Variants in ZNF804B observed in about 807,000 individuals in gnomAD.
The protein encoded by ZNF804B is zinc finger protein 804B.
A neutral mutation model predicts 101.4 loss-of-function variants in ZNF804B; 80 were observed. The ratio of observed to expected loss-of-function variants is 0.79; its 90% CI spans 0.66 to 0.95. The LOEUF is 0.95. Ranked by LOEUF, ZNF804B falls within the 40% of genes least tolerant of loss-of-function variation. The pLI is 0.00. For synonymous variants in ZNF804B, 622 were observed against 558.8 expected, an observed-to-expected ratio of 1.11 and a Z score of -1.59; for missense variants, 1,673 against 1,561.9, an observed-to-expected ratio of 1.07 and a Z score of -1.20.
intron 1 of ZNF804B, among the ~76,000 whole-genome samples, chr7:89,199,256 C>A (rs1788597143): frequency 6.6e-6 from 1 of 151,790 alleles, no homozygotes. Flanking sequence ...CTTTCCCTTT[C>A]CCACTGGAGT....
chr7:88,832,912 T>C (rs866470950), intron 1 of ZNF804B, among the ~76,000 whole-genome samples: 2 of 152,058 alleles, frequency 1.3e-5, no homozygotes, highest in African/African-American at 4.8e-5. Flanking sequence ...GCACCATATC[T>C]GATGTAGCCA....
At chr7:88,958,821 G>T (rs943361266) in intron 1 of ZNF804B, among the ~76,000 whole-genome samples, 6 of 151,352 alleles carry the variant, frequency 4.0e-5, no homozygotes, top group African/African-American at 1.5e-4. Context: ...TGATAGTGTT[G>T]GGAGGAATTC....
rs372823036 is a variant in ZNF804B, at chr7:88,923,226, A to T, written c.108+163142A>T. Among the ~76,000 whole-genome samples, 5 of 152,210 alleles carry T rather than the reference A, an allele frequency of 3.3e-5. No individual in the cohort carries two copies. The South Asian group carries it at 6.2e-4, about 19-fold the overall frequency. On this transcript the variant is annotated intron_variant, in intron 1 of 3. Coordinates refer to ENST00000333190, the MANE Select transcript of ZNF804B (RefSeq NM_181646.5). ...TGTTCCTTACTGAACTTAATTGTAC[A>T]TAAGAGCTCCTCTGTAGCGTTGCTT...
intron 1 of ZNF804B, among the ~76,000 whole-genome samples, chr7:88,948,034 C>A (rs546164653): frequency 6.6e-6 from 1 of 151,976 alleles, no homozygotes; most frequent in Admixed American, 6.6e-5. Flanking sequence ...TAGTGATAGA[C>A]AAAATATCTA....
chr7:88,930,010 T>C (rs898824893), intron 1 of ZNF804B, among the ~76,000 whole-genome samples: 2 of 151,964 alleles, frequency 1.3e-5, no homozygotes, highest in Non-Finnish European at 2.9e-5. Flanking sequence ...ATGTTTTGGT[T>C]CTATTCAGTG....
intron 1 of ZNF804B, among the ~76,000 whole-genome samples, chr7:88,902,989 T>C (rs1479463716): frequency 6.6e-6 from 1 of 152,054 alleles, no homozygotes; most frequent in East Asian, 1.9e-4. Flanking sequence ...CGTGTGCAGG[T>C]TTGTTACATG....
chr7:88,846,308 A>G (rs1791372510), intron 1 of ZNF804B, among the ~76,000 whole-genome samples: 1 of 152,212 alleles, frequency 6.6e-6, no homozygotes, highest in Admixed American at 6.5e-5. Context: ...GAGTAGAAAA[A>G]AACTATGTGC....
chr7:89,043,369 T>C (rs1218181714), intron 1 of ZNF804B, among the ~76,000 whole-genome samples: 1 of 152,258 alleles, frequency 6.6e-6, no homozygotes, highest in Non-Finnish European at 1.5e-5. Context: ...CAGTAGTCTT[T>C]GTATTGCTGC....
At chr7:89,219,162 A>T (rs549049852) in intron 2 of ZNF804B, among the ~76,000 whole-genome samples, 1 of 152,154 alleles carries the variant, frequency 6.6e-6, no homozygotes, top group South Asian at 2.1e-4. Flanking sequence ...CCCAGGAAAA[A>T]TAATGTCTTA....
At chr7:88,863,464 G>A (rs1236632751) in intron 1 of ZNF804B, among the ~76,000 whole-genome samples, 2 of 152,070 alleles carry the variant, frequency 1.3e-5, no homozygotes, top group African/African-American at 2.4e-5. Flanking sequence ...GAGTTACATG[G>A]TCTTATGTCC....
chr7:89,219,445 A>G (rs969955241), intron 2 of ZNF804B, among the ~76,000 whole-genome samples: 4 of 151,854 alleles, frequency 2.6e-5, no homozygotes, highest in Admixed American at 1.3e-4. Flanking sequence ...TCACAGGTGA[A>G]AACATTTCAG....
intron 1 of ZNF804B, among the ~76,000 whole-genome samples, chr7:89,175,208 G>A (rs1259431171): frequency 6.6e-6 from 1 of 151,902 alleles, no homozygotes; most frequent in East Asian, 1.9e-4. Context: ...TTTATGGTTG[G>A]AGGTCTTAAT....
chr7:89,062,164 T>C (rs545591303), intron 1 of ZNF804B, among the ~76,000 whole-genome samples: 1 of 152,278 alleles, frequency 6.6e-6, no homozygotes, highest in South Asian at 2.1e-4. Flanking sequence ...CTTTCTTAAA[T>C]AGTAAACAGA....
chr7:89,094,635 A>G (rs1288807162), intron 1 of ZNF804B, among the ~76,000 whole-genome samples: 2 of 152,136 alleles, frequency 1.3e-5, no homozygotes, highest in South Asian at 2.1e-4. Flanking sequence ...CTCCTTTGCT[A>G]CAGTGTGTTT....
At chr7:88,924,751 T>C (rs1278416676) in intron 1 of ZNF804B, among the ~76,000 whole-genome samples, 2 of 152,186 alleles carry the variant, frequency 1.3e-5, no homozygotes, top group African/African-American at 4.8e-5. Flanking sequence ...TATTTCTCAT[T>C]ACTGTGTATT....
chr7:88,891,314 G>A (rs1039862934), intron 1 of ZNF804B, among the ~76,000 whole-genome samples: 6 of 152,026 alleles, frequency 3.9e-5, no homozygotes, highest in Non-Finnish European at 8.8e-5. Context: ...CTAGTGAATG[G>A]AAATTTTAAT....
chr7:88,834,217 CTAT>C (rs1416402655), intron 1 of ZNF804B, among the ~76,000 whole-genome samples: 1 of 151,724 alleles, frequency 6.6e-6, no homozygotes, highest in Non-Finnish European at 1.5e-5. Flanking sequence ...TTATAGGTAA[CTAT>C]TATTTTAACC....
intron 2 of ZNF804B, among the ~76,000 whole-genome samples, chr7:89,283,802 A>G (rs1053335731): frequency 2.0e-5 from 3 of 152,108 alleles, no homozygotes; most frequent in African/African-American, 7.2e-5. Flanking sequence ...GGTAGCATAG[A>G]TTAGCATTGC....
At chr7:89,245,212 G>A (rs996838904) in intron 2 of ZNF804B, among the ~76,000 whole-genome samples, 1 of 151,082 alleles carries the variant, frequency 6.6e-6, no homozygotes, top group African/African-American at 2.5e-5. Context: ...GAAAATACAA[G>A]CAAGTAAATA....
Sources: allele counts gnomAD v4.1 joint callset (sites outside exome capture counted in the v4.1 genomes callset), GRCh38; gene constraint gnomAD v4.1.1; transcripts MANE v1.5; gene names NCBI Gene and HGNC (gene_info 2026-07-23, HGNC 2026-07-21).